Variants in RAD51B observed in about 807,000 individuals in gnomAD.
The protein encoded by RAD51B is RAD51 paralog B, also known as DNA repair protein RAD51 homolog 2.
RAD51B carries 38 observed loss-of-function variants against 42.2 expected under a neutral mutation model. That is an observed-to-expected ratio of 0.90 (90% CI 0.70 to 1.18). The LOEUF is 1.18. RAD51B is among the 50% of genes most tolerant of loss of function. The pLI is 0.00. For missense variants in RAD51B, 373 were observed against 400.7 expected, an observed-to-expected ratio of 0.93 and a Z score of 0.59; for synonymous variants, 154 against 145.2, an observed-to-expected ratio of 1.06 and a Z score of -0.43.
intron 11 of RAD51B, among the ~76,000 whole-genome samples, chr14:68,656,377 A>T (rs796651136): frequency 4.6e-5 from 7 of 152,166 alleles, no homozygotes; most frequent in African/African-American, 1.4e-4. Context: ...CAGAATCCCA[A>T]AATATAAAAC....
At chr14:68,030,649 C>T (rs560368432) in intron 7 of RAD51B, among the ~76,000 whole-genome samples, 42 of 152,178 alleles carry the variant, frequency 2.8e-4, no homozygotes, top group Non-Finnish European at 2.5e-4. Flanking sequence ...ATCAGCAATA[C>T]GGCTGTTTCA....
chr14:68,594,241 G>C (rs1288338939), intron 10 of RAD51B, among the ~76,000 whole-genome samples: 1 of 152,132 alleles, frequency 6.6e-6, no homozygotes, highest in East Asian at 1.9e-4. Context: ...GAGGCGGTGG[G>C]GGAGAGAGAG....
chr14:68,468,767 T>C (rs1402093726), intron 10 of RAD51B, among the ~76,000 whole-genome samples: 1 of 152,232 alleles, frequency 6.6e-6, no homozygotes, highest in Non-Finnish European at 1.5e-5. Context: ...GTCTTCCTGC[T>C]GGGGACCAGA....
At chr14:68,569,285 A>G (rs148206243) in intron 10 of RAD51B, among the ~76,000 whole-genome samples, 190 of 152,308 alleles carry the variant, frequency 1.2e-3, no homozygotes, top group African/African-American at 4.3e-3. Context: ...AGGGTGATCA[A>G]TTGGCAACTT....
chr14:68,292,517 G>A (rs936898870), intron 8 of RAD51B, among the ~76,000 whole-genome samples: 10 of 152,200 alleles, frequency 6.6e-5, no homozygotes, highest in African/African-American at 9.7e-5. Flanking sequence ...TAAGCTTTAC[G>A]TAGCTGGGGA....
At chr14:68,063,984 G>A (rs1162884646) in intron 7 of RAD51B, among the ~76,000 whole-genome samples, 1 of 152,078 alleles carries the variant, frequency 6.6e-6, no homozygotes, top group East Asian at 1.9e-4. Context: ...CAGTTTGGTG[G>A]TTTTTTGAAG....
intron 7 of RAD51B, among the ~76,000 whole-genome samples, chr14:67,895,020 C>T (rs1196985086): frequency 6.6e-6 from 1 of 152,118 alleles, no homozygotes; most frequent in Non-Finnish European, 1.5e-5. Flanking sequence ...AGCAGTCTGC[C>T]CACTGTGGCC....
chr14:68,163,076 A>G (rs1203978277), intron 7 of RAD51B, among the ~76,000 whole-genome samples: 1 of 152,250 alleles, frequency 6.6e-6, no homozygotes, highest in Non-Finnish European at 1.5e-5. Flanking sequence ...AATTGTGCAT[A>G]TCTGAATGAA....
At chr14:68,657,135 G>A (rs2140142933) in intron 11 of RAD51B, among the ~76,000 whole-genome samples, 1 of 152,310 alleles carries the variant, frequency 6.6e-6, no homozygotes, top group Non-Finnish European at 1.5e-5. Flanking sequence ...TGGAGCTGGT[G>A]TGACTGAGAA....
At chr14:68,233,740 G>T (rs752737348) in intron 7 of RAD51B, among the ~76,000 whole-genome samples, 3 of 152,208 alleles carry the variant, frequency 2.0e-5, no homozygotes, top group Non-Finnish European at 4.4e-5. Context: ...AGTTTGACAA[G>T]GGTGGGAGGA....
chr14:67,995,825 A>G (rs55958649), intron 7 of RAD51B, among the ~76,000 whole-genome samples: 14 of 151,700 alleles, frequency 9.2e-5, no homozygotes, highest in Non-Finnish European at 1.5e-4. Context: ...CACCGTGTTA[A>G]CCAGGATGGA....
At chr14:67,971,221 T>G (rs1484736493) in intron 7 of RAD51B, among the ~76,000 whole-genome samples, 1 of 152,124 alleles carries the variant, frequency 6.6e-6, no homozygotes, top group African/African-American at 2.4e-5. Flanking sequence ...TTTTTTTTCC[T>G]TATTCAACGG....
At chr14:68,356,247 A>C (rs1276634580) in intron 8 of RAD51B, among the ~76,000 whole-genome samples, 3 of 152,156 alleles carry the variant, frequency 2.0e-5, no homozygotes, top group African/African-American at 4.8e-5. Flanking sequence ...CCTGGCTAAC[A>C]GGGTGAAACC....
At chr14:68,252,669 T>C (rs1223816071) in intron 7 of RAD51B, among the ~76,000 whole-genome samples, 1 of 152,264 alleles carries the variant, frequency 6.6e-6, no homozygotes, top group Non-Finnish European at 1.5e-5. Flanking sequence ...TAAGTCATAC[T>C]GAATATATAC....
At chr14:67,842,738 A>G (rs1435421925) in intron 4 of RAD51B, among the ~76,000 whole-genome samples, 1 of 152,154 alleles carries the variant, frequency 6.6e-6, no homozygotes, top group Non-Finnish European at 1.5e-5. Flanking sequence ...GAGTGGTGAG[A>G]CTGGGCATCC....
chr14:68,348,448 T>C (rs2082715537), intron 8 of RAD51B, among the ~76,000 whole-genome samples: 1 of 152,240 alleles, frequency 6.6e-6, no homozygotes, highest in African/African-American at 2.4e-5. Context: ...TTCCTTGTGC[T>C]CTCAGGTTAA....
At chr14:68,344,393 A>T (rs973369292) in intron 8 of RAD51B, among the ~76,000 whole-genome samples, 2 of 152,220 alleles carry the variant, frequency 1.3e-5, no homozygotes, top group African/African-American at 4.8e-5. Flanking sequence ...CACGCCTGTA[A>T]TCCCAGCACT....
intron 8 of RAD51B, among the ~76,000 whole-genome samples, chr14:68,347,497 C>T (rs1018003991): frequency 1.6e-4 from 24 of 152,136 alleles, no homozygotes; most frequent in African/African-American, 5.1e-4. Context: ...GCCTGAGCGA[C>T]GTAGTAGGGA....
At chr14:68,145,032 G>A (rs1038620022) in intron 7 of RAD51B, among the ~76,000 whole-genome samples, 2 of 151,974 alleles carry the variant, frequency 1.3e-5, no homozygotes, top group African/African-American at 4.8e-5. Context: ...ACATGCTTTT[G>A]CATTGTCTAC....
Sources: allele counts gnomAD v4.1 joint callset (sites outside exome capture counted in the v4.1 genomes callset), GRCh38; gene constraint gnomAD v4.1.1; transcripts MANE v1.5; gene names NCBI Gene and HGNC (gene_info 2026-07-23, HGNC 2026-07-21).